Variants in CHRM5 observed in about 807,000 individuals in gnomAD.
CHRM5 encodes the protein muscarinic acetylcholine receptor M5.
Under a neutral mutation model 39.0 loss-of-function variants are expected in CHRM5, and 18 were observed. That is an observed-to-expected ratio of 0.46 (90% CI 0.32 to 0.68). The LOEUF (loss-of-function observed/expected upper bound fraction) is 0.68, where lower values mean the gene tolerates loss of function less well. CHRM5 is among the 30% of genes least tolerant of loss of function. The pLI is 0.04. For missense variants in CHRM5, 515 were observed against 651.1 expected, an observed-to-expected ratio of 0.79 and a Z score of 2.28; for synonymous variants, 241 against 246.3, an observed-to-expected ratio of 0.98 and a Z score of 0.20.
At chr15:33,999,760 G>C (rs1030868793) in intron 1 of CHRM5, among the ~76,000 whole-genome samples, 6 of 152,120 alleles carry the variant, frequency 3.9e-5, no homozygotes, top group Non-Finnish European at 5.9e-5. Flanking sequence ...CCTGCTACTA[G>C]TAGTAGCAGT....
intron 1 of CHRM5, among the ~76,000 whole-genome samples, chr15:33,971,645 T>C (rs964963134): frequency 2.0e-5 from 3 of 152,080 alleles, no homozygotes; most frequent in African/African-American, 7.2e-5. Flanking sequence ...CATTGCATAA[T>C]ATTTTTAAAT....
intron 2 of CHRM5, among the ~76,000 whole-genome samples, chr15:34,050,408 C>T (rs1193245614): frequency 6.6e-6 from 1 of 152,158 alleles, no homozygotes; most frequent in Admixed American, 6.5e-5. Context: ...CACTGAAGTA[C>T]ACAGACCAGT....
chr15:34,026,946 G>C (rs926722891), intron 1 of CHRM5, among the ~76,000 whole-genome samples: 3 of 152,124 alleles, frequency 2.0e-5, no homozygotes, highest in Non-Finnish European at 2.9e-5. Flanking sequence ...TTGTCCCAAA[G>C]GAAGAAGTTT....
In CHRM5 at chr15:34,066,642, A is replaced by G. The variant is rs625596; in HGVS notation, c.*2326A>G. The G allele has an allele frequency of 0.47, 71,888 of 151,948 alleles. 20,545 individuals carry two copies. Among genetic ancestry groups the G allele is most frequent in the Non-Finnish European group, 0.64 (43,686 of 67,958 alleles). The allele number at this position is 151,948 out of a possible 1,614,324, so 9.4% of individuals were successfully genotyped here. A position where few individuals can be genotyped will look rare whatever the true frequency, so the allele number is the denominator to read the frequency against. On this transcript the variant is annotated 3_prime_UTR_variant, in exon 3 of 3. Coordinates refer to ENST00000383263, the MANE Select transcript of CHRM5 (RefSeq NM_012125.4). The stretch of plus-strand genomic sequence containing the variant: ...AACATAGGGAGACCCTGTCTCTACA[A>G]AAAAAATTTTAAATACCTGGGCATT...
At chr15:33,982,244 C>T (rs1044789080) in intron 1 of CHRM5, among the ~76,000 whole-genome samples, 1 of 151,976 alleles carries the variant, frequency 6.6e-6, no homozygotes. Flanking sequence ...AGCTCTGCCC[C>T]CAACAAATTA....
At position 34,063,188 on chromosome 15, in the gene CHRM5, C is replaced by A. The variant is rs370089179; in HGVS notation, c.471C>A (p.Ile157=). ...AGIMIGLAWL[I]SFILWAPAIL... is the part of the protein sequence containing the mutation. ...TCATGATTGGCTTGGCCTGGCTGAT[C>A]TCCTTCATCCTCTGGGCCCCAGCAA... is the stretch of plus-strand genomic sequence containing the variant. Residue 157 remains isoleucine (I), a synonymous_variant, in exon 3 of 3, where the codon ATC becomes ATA. Coordinates refer to ENST00000383263, the MANE Select transcript of CHRM5 (RefSeq NM_012125.4). The surrounding 1 kb of genome is among the most constrained non-coding windows in gnomAD (Gnocchi z 4.1). 20 of 1,614,192 alleles carry A rather than the reference C, an allele frequency of 1.2e-5. No individual in the cohort carries two copies. Among genetic ancestry groups the A allele is most frequent in the African/African-American group, 1.1e-4 (8 of 75,046 alleles).
chr15:34,004,459 T>C (rs1019035783), intron 1 of CHRM5, among the ~76,000 whole-genome samples: 1 of 152,172 alleles, frequency 6.6e-6, no homozygotes, highest in African/African-American at 2.4e-5. Flanking sequence ...GGGAACTTAT[T>C]TGTACTGATT....
chr15:34,063,789 A>G lies in CHRM5; in HGVS notation c.1072A>G (p.Thr358Ala). ...TGAAACTGAAAAAAGTGACTATGAC[A>G]CCCCAAACTACCTTCTGTCTCCAGC... ...KAETEKSDYDTPNYLLSPAAA... is the reference protein window; with the variant it reads ...KAETEKSDYDAPNYLLSPAAA... Residue 358 changes from threonine to alanine, a missense_variant, in exon 3 of 3, where the codon ACC (threonine) becomes GCC (alanine). Coordinates refer to ENST00000383263, the MANE Select transcript of CHRM5 (RefSeq NM_012125.4). This position sits in a 1 kb window ranked among gnomAD's most constrained non-coding sequence, Gnocchi z 4.1. 6.2e-7 allele frequency: 1 copy of G among 1,614,132 alleles called. No homozygotes were observed. Among genetic ancestry groups the G allele is most frequent in the Admixed American group, 1.7e-5 (1 of 60,018 alleles).
At chr15:33,998,181 C>T (rs1897011225) in intron 1 of CHRM5, among the ~76,000 whole-genome samples, 1 of 152,196 alleles carries the variant, frequency 6.6e-6, no homozygotes, top group African/African-American at 2.4e-5. Flanking sequence ...AGCAATGGGC[C>T]ATCCCTCCAC....
At chr15:34,011,994 G>C (rs1327959300) in intron 1 of CHRM5, among the ~76,000 whole-genome samples, 1 of 152,142 alleles carries the variant, frequency 6.6e-6, no homozygotes, top group East Asian at 1.9e-4. Context: ...AGAAAGGAAG[G>C]GGGAAATGGC....
intron 1 of CHRM5, among the ~76,000 whole-genome samples, chr15:33,980,474 C>T (rs1051931191): frequency 2.6e-5 from 4 of 152,186 alleles, no homozygotes; most frequent in African/African-American, 9.7e-5. Context: ...AACACGTCCT[C>T]TGATTTCTCT....
chr15:33,979,298 G>A (rs954697439), intron 1 of CHRM5, among the ~76,000 whole-genome samples: 1 of 152,170 alleles, frequency 6.6e-6, no homozygotes, highest in African/African-American at 2.4e-5. Flanking sequence ...AAGGAGGAAG[G>A]ATTGCTTGAG....
At chr15:34,008,650 G>C (rs902377483) in intron 1 of CHRM5, among the ~76,000 whole-genome samples, 1 of 133,956 alleles carries the variant, frequency 7.5e-6, no homozygotes, top group African/African-American at 3.3e-5. Flanking sequence ...CACCATGGCA[G>C]GCTAATTTTT....
In CHRM5 at chr15:34,066,476, C is replaced by T. The variant is rs1900514060; in HGVS notation, c.*2160C>T. On this transcript the variant is annotated 3_prime_UTR_variant, in exon 3 of 3. Transcript: ENST00000383263. Reference sequence around the variant, plus strand: ...TCGCACACTCCGCACTTGCTTAGGACTTGGCCTTTTTTGTTCATCTTTTGT... The same window carrying T: ...TCGCACACTCCGCACTTGCTTAGGATTTGGCCTTTTTTGTTCATCTTTTGT... The T allele has an allele frequency of 6.6e-6, 1 of 152,228 alleles. No individual in the cohort carries two copies. Among genetic ancestry groups the T allele is most frequent in the African/African-American group, 2.4e-5 (1 of 41,442 alleles). 9.4% of individuals were successfully genotyped at this position (152,228 alleles called of 1,614,324 possible).
chr15:34,038,073 A>G (rs892918526), intron 1 of CHRM5, among the ~76,000 whole-genome samples: 17 of 152,186 alleles, frequency 1.1e-4, no homozygotes, highest in African/African-American at 3.4e-4. Context: ...GAATGTGTCA[A>G]TAAGACTGAT....
chr15:34,012,071 A>G (rs1261635505), intron 1 of CHRM5, among the ~76,000 whole-genome samples: 1 of 152,194 alleles, frequency 6.6e-6, no homozygotes, highest in Non-Finnish European at 1.5e-5. Flanking sequence ...GGACTTCTGA[A>G]GCTTTTTAAC....
intron 1 of CHRM5, chr15:34,018,590 G>C (rs1275325983): frequency 2.6e-5 from 4 of 152,152 alleles, no homozygotes; most frequent in Admixed American, 1.3e-4. Context: ...AGCTCATAAA[G>C]GTAGTGCAGA....
At chr15:33,983,144 GTGTGTGTGTGTGTGTA>G (rs1349308396) in intron 1 of CHRM5, among the ~76,000 whole-genome samples, 5 of 118,182 alleles carry the variant, frequency 4.2e-5, no homozygotes, top group Admixed American at 4.0e-4. Context: ...GTGTGTGTGT[GTGTGTGTGTGTGTGTA>G]TGTGTGTGTG....
At chr15:33,978,721 G>C (rs1408180473) in intron 1 of CHRM5, among the ~76,000 whole-genome samples, 1 of 151,896 alleles carries the variant, frequency 6.6e-6, no homozygotes. Context: ...GTACAAATTC[G>C]TCCCCAGGCA....
Sources: gnomAD v4.1 joint callset for allele counts (sites outside exome capture counted in the v4.1 genomes callset) on GRCh38, gnomAD v4.1.1 for gene constraint, Gnocchi (gnomAD v3.1) non-coding constraint, MANE v1.5 for transcripts, NCBI Gene and HGNC (gene_info 2026-07-23, HGNC 2026-07-21) for gene names.